The following RAD51AP1 variants were observed in gnomAD, a reference collection of about 807,000 sequenced individuals.
RAD51AP1 encodes the protein RAD51-associated protein 1.
A neutral mutation model predicts 34.3 loss-of-function variants in RAD51AP1; 14 were observed. That is an observed-to-expected ratio of 0.41 (90% CI 0.27 to 0.64). The LOEUF is 0.64. Among genes scored for constraint, RAD51AP1 ranks in the 30% least tolerant of loss-of-function variants. RAD51AP1 has a pLI of 0.33. For missense variants in RAD51AP1, 348 were observed against 386.9 expected, an observed-to-expected ratio of 0.90 and a Z score of 0.84; for synonymous variants, 114 against 129.8, an observed-to-expected ratio of 0.88 and a Z score of 0.83.
intron 6 of RAD51AP1, among the ~76,000 whole-genome samples, chr12:4,552,108 T>G (rs1944551182): frequency 6.6e-6 from 1 of 152,244 alleles, no homozygotes; most frequent in Non-Finnish European, 1.5e-5. Flanking sequence ...TTTTTCATTT[T>G]ATTTGTACAT....
intron 7 of RAD51AP1, among the ~76,000 whole-genome samples, chr12:4,555,799 C>T (rs916124822): frequency 3.3e-5 from 5 of 152,214 alleles, no homozygotes; most frequent in African/African-American, 4.8e-5. Flanking sequence ...GTTTCCTTTT[C>T]TACTTGGCAT....
In RAD51AP1 at chr12:4,548,489, T is replaced by TC. The variant is rs1944522947; in HGVS notation, c.407-195dup. Among the ~76,000 whole-genome samples, 3 of 152,302 alleles carry TC rather than the reference T, an allele frequency of 2.0e-5. No homozygotes were observed. The South Asian group carries it at 6.2e-4, about 32-fold the overall frequency. The stretch of plus-strand genomic sequence containing the variant: ...TATCTCTGTTTGGGTCTTGGATTTA[T>TC]CCCTAAAACTAGAGGTGTTCCCAGG... On this transcript the variant is annotated intron_variant, in intron 5 of 8. Coordinates refer to ENST00000352618, the MANE Select transcript of RAD51AP1 (RefSeq NM_006479.5).
At chr12:4,547,995 TTA>T in intron 4 of RAD51AP1, 95 bp from the exon 5 acceptor site, 5 of 1,240,040 alleles carry the variant, frequency 4.0e-6, no homozygotes, top group Non-Finnish European at 5.5e-6. Flanking sequence ...GATCATTTAT[TTA>T]TATCTAAATG....
At chr12:4,550,410 C>A (rs1458207729) in intron 6 of RAD51AP1, 1 of 152,208 alleles carries the variant, frequency 6.6e-6, no homozygotes, top group African/African-American at 2.4e-5. Context: ...GAGAAAGTTC[C>A]TCTACCCCTT....
At chr12:4,557,991 T>G (rs564219263) in intron 8 of RAD51AP1, among the ~76,000 whole-genome samples, 1 of 152,052 alleles carries the variant, frequency 6.6e-6, no homozygotes, top group Non-Finnish European at 1.5e-5. Context: ...TTGTTGTTGT[T>G]GTTAGCACCA....
At chr12:4,548,901 A>G in intron 6 of RAD51AP1, 65 bp downstream of exon 6, 1 of 1,550,430 alleles carries the variant, frequency 6.4e-7, no homozygotes, top group South Asian at 1.2e-5. Context: ...CTTGGAAGCT[A>G]TTAATTGTGC....
At chr12:4,539,967 GA>G (rs1161880044) in intron 1 of RAD51AP1, among the ~76,000 whole-genome samples, 1 of 152,170 alleles carries the variant, frequency 6.6e-6, no homozygotes, top group Non-Finnish European at 1.5e-5. Context: ...AGGGTGACCA[GA>G]ACGGGAGCAG....
intron 3 of RAD51AP1, chr12:4,545,415 A>C (rs1944499033): frequency 3.2e-6 from 1 of 310,740 alleles, no homozygotes; most frequent in Admixed American, 4.2e-5. Flanking sequence ...AGGGGTAAAC[A>C]GGAAGTGAAT....
intron 6 of RAD51AP1, among the ~76,000 whole-genome samples, chr12:4,549,669 C>T (rs1012842288): frequency 1.4e-4 from 21 of 152,130 alleles, no homozygotes; most frequent in African/African-American, 4.6e-4. Context: ...ACTCTTTGAG[C>T]GCCAATGTGA....
intron 1 of RAD51AP1, among the ~76,000 whole-genome samples, chr12:4,540,944 CAAATT>C (rs1944462293): frequency 6.6e-6 from 1 of 151,982 alleles, no homozygotes; most frequent in Non-Finnish European, 1.5e-5. Flanking sequence ...AACCAGCTGA[CAAATT>C]AGGTTATTCA....
At chr12:4,557,223 C>T (rs550963080) in intron 8 of RAD51AP1, among the ~76,000 whole-genome samples, 1 of 152,278 alleles carries the variant, frequency 6.6e-6, no homozygotes, top group East Asian at 1.9e-4. Context: ...TCTCTTAATC[C>T]TCCTCTGCCT....
chr12:4,556,216 G>A, intron 7 of RAD51AP1, 137 bp from the exon 8 acceptor site: 2 of 694,886 alleles, frequency 2.9e-6, no homozygotes, highest in Non-Finnish European at 4.8e-6. Context: ...GCTATTCTTA[G>A]GCTCTCAATA....
At chr12:4,554,041 TAG>T (rs777395905) in intron 7 of RAD51AP1, among the ~76,000 whole-genome samples, 5 of 145,758 alleles carry the variant, frequency 3.4e-5, no homozygotes, top group Non-Finnish European at 6.1e-5. Flanking sequence ...GTTTTTTAAT[TAG>T]AGTGTTTTTT....
intron 1 of RAD51AP1, among the ~76,000 whole-genome samples, chr12:4,539,593 T>C (rs944061402): frequency 6.6e-6 from 1 of 152,154 alleles, no homozygotes; most frequent in East Asian, 1.9e-4. Context: ...CCTCGAAATA[T>C]GAGAGTGCGA....
At position 4,549,766 on chromosome 12, in the gene RAD51AP1, A is replaced by G. The variant is rs115554779; in HGVS notation, c.556+930A>G. 1.8e-3 allele frequency among the ~76,000 whole-genome samples: 273 copies of G among 152,328 alleles called. 1 individual carries two copies. The highest frequency in any genetic ancestry group is 6.3e-3 in the African/African-American group (260 of 41,564). ...ATAATGCAGATGTTCCAAAACCCAA[A>G]GAAAATCTGAACCCTGAAACATGTC... On this transcript the variant is annotated intron_variant, in intron 6 of 8. Coordinates refer to ENST00000352618, the MANE Select transcript of RAD51AP1 (RefSeq NM_006479.5).
intron 4 of RAD51AP1, 83 bp from the exon 5 acceptor site, chr12:4,548,009 T>C: frequency 7.5e-7 from 1 of 1,330,256 alleles, no homozygotes; most frequent in Non-Finnish European, 1.0e-6. Context: ...ATCTAAATGC[T>C]ATTACATTTT....
intron 1 of RAD51AP1, among the ~76,000 whole-genome samples, chr12:4,541,210 G>A (rs1191097372): frequency 1.3e-5 from 2 of 152,080 alleles, no homozygotes; most frequent in Non-Finnish European, 2.9e-5. Context: ...GATTTGGGAT[G>A]CTCAGCTGGT....
At chr12:4,548,626 A>C in intron 5 of RAD51AP1, 61 bp from the exon 6 acceptor site, 1 of 1,548,156 alleles carries the variant, frequency 6.5e-7, no homozygotes, top group African/African-American at 1.4e-5. Flanking sequence ...TCTGGTCTGC[A>C]GTTCTTGAAA....
chr12:4,545,444 T>C, intron 3 of RAD51AP1: 1 of 285,040 alleles, frequency 3.5e-6, no homozygotes, highest in Non-Finnish European at 6.8e-6. Flanking sequence ...GTATGGGGTT[T>C]CTTTTTGGGG....
Sources: allele counts gnomAD v4.1 joint callset (sites outside exome capture counted in the v4.1 genomes callset), GRCh38; gene constraint gnomAD v4.1.1; transcripts MANE v1.5; gene names NCBI Gene and HGNC (gene_info 2026-07-23, HGNC 2026-07-21).